Variants in EIF2A observed in about 807,000 individuals in gnomAD.
EIF2A encodes the protein eukaryotic translation initiation factor 2A, also known as 65 kDa eukaryotic translation initiation factor 2A.
In EIF2A, 62 loss-of-function variants were observed where a neutral mutation model predicts 75.2. The ratio of observed to expected loss-of-function variants is 0.82; its 90% CI spans 0.67 to 1.02. EIF2A has a LOEUF of 1.02. Among genes scored for constraint, EIF2A ranks in the 50% least tolerant of loss-of-function variants. The pLI, the probability that EIF2A is intolerant of heterozygous loss-of-function variation, is 0.00. For synonymous variants in EIF2A, 207 were observed against 239.0 expected (o/e 0.87, Z 1.23); for missense variants, 611 against 677.7 (o/e 0.90, Z 1.09).
intron 9 of EIF2A, among the ~76,000 whole-genome samples, chr3:150,569,004 C>T (rs1478812238): frequency 3.3e-5 from 5 of 152,136 alleles, no homozygotes; most frequent in African/African-American, 7.2e-5. Context: ...ATACTGATAG[C>T]GTCCTAATTT....
chr3:150,563,994 T>G (rs1250891397), intron 5 of EIF2A, among the ~76,000 whole-genome samples: 2 of 152,044 alleles, frequency 1.3e-5, no homozygotes, highest in African/African-American at 4.8e-5. Flanking sequence ...AATTTTTGTA[T>G]TTTTAGTAGA....
rs1296287692 is a variant in EIF2A, at chr3:150,572,445, T to G, written c.1299T>G (p.Ser433Arg). The G allele has an allele frequency of 4.3e-6, 7 of 1,613,866 alleles. No individual in the cohort carries two copies. In the Admixed American group the frequency reaches 6.7e-5, roughly 15 times the overall value. Reference protein sequence around the residue: ...AKTITYQAVPSEVPNEEPKVA... With the variant: ...AKTITYQAVPREVPNEEPKVA... The stretch of plus-strand genomic sequence containing the variant: ...CAATAACTTACCAAGCAGTTCCAAG[T>G]GAAGTACCCAATGAGGAACCTAAAG... The change falls in exon 10 of 14, where the codon AGT becomes AGG. Residue 433 changes from serine to arginine, a missense_variant. By Grantham distance (110) the Ser-to-Arg change is moderately radical. Transcript: ENST00000460851.
chr3:150,569,703 T>C (rs2107941712), intron 9 of EIF2A, among the ~76,000 whole-genome samples: 1 of 152,130 alleles, frequency 6.6e-6, no homozygotes, highest in Middle Eastern at 3.4e-3. Context: ...TAATCCTAGC[T>C]ACTCGGGAGG....
chr3:150,564,427 A>ACGAT, intron 6 of EIF2A, 46 bp downstream of exon 6: 1 of 1,430,500 alleles, frequency 7.0e-7, no homozygotes, highest in Non-Finnish European at 9.5e-7. Context: ...CTGTAATCGT[A>ACGAT]TACAGTTTCC....
intron 11 of EIF2A, 116 bp downstream of exon 11, chr3:150,575,878 T>TGGG: frequency 1.2e-6 from 1 of 853,156 alleles, no homozygotes; most frequent in Non-Finnish European, 1.7e-6. Context: ...CACTTGAGGT[T>TGGG]AGAAGTTCAA....
At chr3:150,583,769 A>G in intron 13 of EIF2A, 77 bp from the exon 14 acceptor site, 1 of 1,340,508 alleles carries the variant, frequency 7.5e-7, no homozygotes, top group Non-Finnish European at 1.0e-6. Context: ...TGTCAGAAAT[A>G]CCATTTTTTC....
intron 6 of EIF2A, chr3:150,565,243 C>A (rs1328237322): frequency 2.0e-5 from 9 of 456,358 alleles, no homozygotes; most frequent in Admixed American, 1.2e-4. Context: ...AAGGGTAAGA[C>A]TACATTATAA....
chr3:150,559,551 C>T (rs1036728418), intron 3 of EIF2A, among the ~76,000 whole-genome samples: 6 of 133,244 alleles, frequency 4.5e-5, no homozygotes, highest in East Asian at 2.4e-4. Flanking sequence ...CCCAGAGTGG[C>T]GTGATCTCAG....
intron 12 of EIF2A, among the ~76,000 whole-genome samples, chr3:150,582,527 G>A (rs1424179352): frequency 6.6e-6 from 1 of 151,844 alleles, no homozygotes; most frequent in Non-Finnish European, 1.5e-5. Context: ...TGTTAGCCAG[G>A]ATGGTTTCAA....
intron 4 of EIF2A, 59 bp downstream of exon 4, chr3:150,562,719 GA>G (rs5853483): frequency 0.34 from 431,259 of 1,259,378 alleles, 78,704 homozygotes; most frequent in East Asian, 0.55. Context: ...TAGTGGGGGG[GA>G]AAAAGTTATA....
intron 7 of EIF2A, 24 bp from the exon 8 acceptor site, chr3:150,567,878 A>G (rs373948705): frequency 4.4e-6 from 7 of 1,581,936 alleles, no homozygotes; most frequent in Middle Eastern, 1.7e-4. Flanking sequence ...AAATTAAGTA[A>G]TGATTTATGT....
chr3:150,546,853 ACT>A lies in EIF2A; in HGVS notation c.28+28_28+29del, dbSNP rs1310382086. 5.0e-6 allele frequency: 8 copies of A among 1,610,928 alleles called. No individual in the cohort carries two copies. In the East Asian group the frequency reaches 6.7e-5, roughly 13 times the overall value. On this transcript the variant is annotated intron_variant, in intron 1 of 13. Transcript: ENST00000460851. ...CAGGTGAGTTCTGAAGAAGCGAGGGACTCTCTTTCTTCAGACTAGTTTCTTAT... is the reference window on the plus strand; with the variant it reads ...CAGGTGAGTTCTGAAGAAGCGAGGGACTCTTTCTTCAGACTAGTTTCTTAT...
intron 11 of EIF2A, among the ~76,000 whole-genome samples, chr3:150,579,205 G>C (rs1374508646): frequency 1.3e-5 from 2 of 152,088 alleles, no homozygotes; most frequent in East Asian, 3.8e-4. Context: ...TTGATAGGCA[G>C]AATATCCCCT....
intron 2 of EIF2A, among the ~76,000 whole-genome samples, chr3:150,557,313 C>CT (rs1723617467): frequency 6.6e-6 from 1 of 152,176 alleles, no homozygotes; most frequent in Non-Finnish European, 1.5e-5. Context: ...TTGTAAAATT[C>CT]TGCCGTAAGG....
chr3:150,557,764 C>T, intron 2 of EIF2A: 1 of 286,656 alleles, frequency 3.5e-6, no homozygotes, highest in Admixed American at 4.8e-5. Context: ...TGTGTGATTG[C>T]AGAAGCACAA....
At chr3:150,573,976 G>A (rs1262598715) in intron 10 of EIF2A, among the ~76,000 whole-genome samples, 1 of 152,068 alleles carries the variant, frequency 6.6e-6, no homozygotes, top group Non-Finnish European at 1.5e-5. Context: ...TTGGGAGACC[G>A]AGGCGGGTGG....
intron 9 of EIF2A, among the ~76,000 whole-genome samples, chr3:150,571,047 C>G (rs1028342824): frequency 5.3e-5 from 8 of 151,876 alleles, no homozygotes; most frequent in Middle Eastern, 3.4e-3. Flanking sequence ...GACCGGGCAA[C>G]AAGAGTGAAA....
chr3:150,572,217 T>G lies in EIF2A; in HGVS notation c.1071T>G (p.Ala357=), dbSNP rs1303936365. The G allele has an allele frequency of 6.2e-7, 1 of 1,613,956 alleles. No individual in the cohort carries two copies. Among genetic ancestry groups the G allele is most frequent in the African/African-American group, 1.3e-5 (1 of 75,038 alleles). ...ACAAACTTATTTCTAAACCGGTGGC[T>G]TCTGATTCTACATATTTTGCTTGGT... ...KNYKLISKPV[A]SDSTYFAWCP... is the part of the protein sequence containing the mutation. Residue 357 remains alanine (A), a synonymous_variant, in exon 10 of 14, where the codon GCT becomes GCG. Coordinates refer to ENST00000460851, the MANE Select transcript of EIF2A (RefSeq NM_032025.5).
At chr3:150,562,729 T>A in intron 4 of EIF2A, 69 bp downstream of exon 4, 1 of 1,149,438 alleles carries the variant, frequency 8.7e-7, no homozygotes, top group South Asian at 1.3e-5. Flanking sequence ...GAAAAAGTTA[T>A]AAAGTTTATA....
Sources: gnomAD v4.1 joint callset for allele counts (sites outside exome capture counted in the v4.1 genomes callset) on GRCh38, gnomAD v4.1.1 for gene constraint, MANE v1.5 for transcripts, NCBI Gene and HGNC (gene_info 2026-07-23, HGNC 2026-07-21) for gene names.